The following WBP2 variants were observed in gnomAD, a reference collection of about 807,000 sequenced individuals.
WBP2 encodes WW domain-binding protein 2.
WBP2 carries 23 observed loss-of-function variants against 33.0 expected under a neutral mutation model. The ratio of observed to expected loss-of-function variants is 0.70; its 90% CI spans 0.50 to 0.99. The LOEUF is 0.99. WBP2 is among the 50% of genes least tolerant of loss of function. The pLI, the probability that WBP2 is intolerant of heterozygous loss-of-function variation, is 0.00. For synonymous variants in WBP2, 153 were observed against 133.5 expected (o/e 1.15, Z -1.01); for missense variants, 353 against 358.0 (o/e 0.99, Z 0.11).
rs2065051739 is a variant in WBP2 at position 75,855,285 on chromosome 17, T to C, written c.13A>G (p.Lys5Glu). The C allele has an allele frequency of 2.5e-6, 4 of 1,612,880 alleles. No individual in the cohort carries two copies. The highest frequency in any genetic ancestry group is 3.4e-6 in the Non-Finnish European group (4 of 1,179,944). The stretch of plus-strand genomic sequence containing the variant: ...ACTCCGCCGCCCTCCGAGTGATTCT[T>C]GTTGAGCGCCATAGTCTCTCCAACA... MALN[K>E]NHSEGGGVIV... The change falls in exon 1 of 8, where the codon AAG becomes GAG. Residue 5 changes from lysine to glutamate, a missense_variant. Lys to Glu is a moderately conservative substitution (Grantham distance 56). Transcript: ENST00000254806.
chr17:75,855,129 T>C (rs1361343151), intron 1 of WBP2, 110 bp downstream of exon 1: 9 of 399,742 alleles, frequency 2.3e-5, no homozygotes, highest in Non-Finnish European at 3.5e-5. Flanking sequence ...CCAACCTCAC[T>C]CCATCAGTGC....
chr17:75,851,458 G>A lies in WBP2; in HGVS notation c.168+110C>T. 6.5e-6 allele frequency: 5 copies of A among 770,994 alleles called. No homozygotes were observed. In the South Asian group the frequency reaches 7.1e-5, roughly 11 times the overall value. 47.8% of individuals were successfully genotyped at this position (770,994 alleles called of 1,614,324 possible). A position where few individuals can be genotyped will look rare whatever the true frequency, so the allele number is the denominator to read the frequency against. ...CAGAGTGAAGCACTAACACTCACCA[G>A]GATTCAGAGGCCACCTGACTCATGA... is the stretch of plus-strand genomic sequence containing the variant. On this transcript the variant is annotated intron_variant, in intron 2 of 7. Transcript: ENST00000254806.
In WBP2 at chr17:75,855,287, T is replaced by C. The variant is rs1215873812; in HGVS notation, c.11A>G (p.Asn4Ser). The change falls in exon 1 of 8, where the codon AAC becomes AGC. Residue 4 changes from asparagine to serine, a missense_variant. Coordinates refer to ENST00000254806, the MANE Select transcript of WBP2 (RefSeq NM_012478.4). ...TCCGCCGCCCTCCGAGTGATTCTTG[T>C]TGAGCGCCATAGTCTCTCCAACAGG... is the stretch of plus-strand genomic sequence containing the variant. MAL[N>S]KNHSEGGGVI... 6.2e-7 allele frequency: 1 copy of C among 1,612,734 alleles called. No homozygotes were observed.
At position 75,846,529 on chromosome 17, in the gene WBP2, G is replaced by C; in HGVS notation, c.*205C>G. 1.5e-6 allele frequency: 1 copy of C among 658,082 alleles called. No homozygotes were observed. The allele number at this position is 658,082 out of a possible 1,614,324, so 40.8% of individuals were successfully genotyped here. A position where few individuals can be genotyped will look rare whatever the true frequency, so the allele number is the denominator to read the frequency against. ...GGGAGGTACGCTGGGCAGCACTGTG[G>C]GCTCCGGGCTGGCATGGGAAGCTGG... On this transcript the variant is annotated 3_prime_UTR_variant, in exon 8 of 8. Coordinates refer to ENST00000254806, the MANE Select transcript of WBP2 (RefSeq NM_012478.4). This position sits in a 1 kb window ranked among gnomAD's most constrained non-coding sequence, Gnocchi z 4.8.
chr17:75,848,309 A>G, intron 4 of WBP2: 2 of 590,972 alleles, frequency 3.4e-6, no homozygotes, highest in Non-Finnish European at 6.0e-6. Context: ...TTATGAGGCC[A>G]TAGTAAAGTG....
At position 75,848,614 on chromosome 17, in the gene WBP2, C is replaced by G; in HGVS notation, c.353G>C (p.Gly118Ala). ...ASYKLTFTAG[G>A]AIEFGQRMLQ... ...CATCCGCTGTCCGAACTCAATGGCG[C>G]CCCCTGCCGTGAAAGTCAACTTGTA... Residue 118 changes from glycine (G) to alanine (A), a missense_variant, in exon 4 of 8, where the codon GGC (glycine) becomes GCC (alanine). Transcript: ENST00000254806. 6.2e-7 allele frequency: 1 copy of G among 1,614,032 alleles called. No individual in the cohort carries two copies. The highest frequency in any genetic ancestry group is 8.5e-7 in the Non-Finnish European group (1 of 1,179,942).
chr17:75,854,222 G>C (rs1202874916), intron 1 of WBP2, among the ~76,000 whole-genome samples: 1 of 152,010 alleles, frequency 6.6e-6, no homozygotes, highest in Admixed American at 6.6e-5. Context: ...CAAGTCACAG[G>C]GCAGCTGGAT....
chr17:75,847,891 G>C lies in WBP2; in HGVS notation c.437C>G (p.Ser146Cys). ...GEVPSGAYGY[S>C]YMPSGAYVYP... ...GACATAGGCCCCGCTGGGCATGTAAGAGTAGCCATAGGCTCCACTGGGGAC... is the reference window on the plus strand; with the variant it reads ...GACATAGGCCCCGCTGGGCATGTAACAGTAGCCATAGGCTCCACTGGGGAC... Residue 146 changes from serine (S) to cysteine (C), a missense_variant, in exon 5 of 8, where the codon TCT (serine) becomes TGT (cysteine). By Grantham distance (112) the Ser-to-Cys change is moderately radical. Transcript: ENST00000254806. 1 of 1,559,562 alleles carries C rather than the reference G, an allele frequency of 6.4e-7. No homozygotes were observed. The highest frequency in any genetic ancestry group is 1.2e-5 in the South Asian group (1 of 84,842).
At chr17:75,850,773 C>A (rs1260814813) in intron 2 of WBP2, among the ~76,000 whole-genome samples, 1 of 152,144 alleles carries the variant, frequency 6.6e-6, no homozygotes, top group Non-Finnish European at 1.5e-5. Context: ...CAGCTCACTG[C>A]AGCCTCAACC....
upstream of WBP2, chr17:75,855,547 T>C (rs902721551): frequency 1.6e-5 from 9 of 551,178 alleles, no homozygotes; most frequent in African/African-American, 1.1e-4. Flanking sequence ...CCTGTCCCTA[T>C]GCTGGAGGAA....
At chr17:75,854,078 A>ACT (rs1567828434) in intron 1 of WBP2, among the ~76,000 whole-genome samples, 1 of 148,348 alleles carries the variant, frequency 6.7e-6, no homozygotes, top group African/African-American at 2.5e-5. Flanking sequence ...AAAAGAGAAG[A>ACT]GAAGTACTGC....
rs908770719 is a variant in WBP2, at chr17:75,851,316, T to C, written c.168+252A>G. On this transcript the variant is annotated intron_variant, in intron 2 of 7. Transcript: ENST00000254806. ...ATGCCAGCGGCTGCATCCAACTCTA[T>C]AGAGATTTTGCAGCAGCGGCTCTGG... 7.1e-5 allele frequency: 28 copies of C among 392,406 alleles called. No homozygotes were observed. In the East Asian group the frequency reaches 1.3e-3, roughly 18 times the overall value. 24.3% of individuals were successfully genotyped at this position (392,406 alleles called of 1,614,324 possible). A position where few individuals can be genotyped will look rare whatever the true frequency, so the allele number is the denominator to read the frequency against.
Position 75,851,605 on chromosome 17 carries a change from C to T in WBP2, c.131G>A (p.Gly44Glu), listed in dbSNP as rs1159448446. Residue 44 changes from glycine (G) to glutamate (E), a missense_variant, in exon 2 of 8, where the codon GGG (glycine) becomes GAG (glutamate). Gly to Glu is a moderately conservative substitution (Grantham distance 98). Coordinates refer to ENST00000254806, the MANE Select transcript of WBP2 (RefSeq NM_012478.4). ...AAGGTAGACAGTGCCTTTCTTGGTCCCTTTGAAGGCTTCTGGCACGTTCTT... is the reference window on the plus strand; with the variant it reads ...AAGGTAGACAGTGCCTTTCTTGGTCTCTTTGAAGGCTTCTGGCACGTTCTT... ...DMKNVPEAFK[G>E]TKKGTVYLTP... The T allele has an allele frequency of 6.2e-7, 1 of 1,613,646 alleles. No individual in the cohort carries two copies. The highest frequency in any genetic ancestry group is 8.5e-7 in the Non-Finnish European group (1 of 1,179,782).
intron 2 of WBP2, 64 bp downstream of exon 2, chr17:75,851,504 T>A: frequency 7.6e-7 from 1 of 1,317,472 alleles, no homozygotes; most frequent in Non-Finnish European, 1.1e-6. Context: ...GACCTGAGAC[T>A]AAGACTCACG....
chr17:75,851,595 T>C lies in WBP2; in HGVS notation c.141A>G (p.Lys47=). 1 of 1,613,760 alleles carries C rather than the reference T, an allele frequency of 6.2e-7. No individual in the cohort carries two copies. Among genetic ancestry groups the C allele is most frequent in the Non-Finnish European group, 8.5e-7 (1 of 1,179,716 alleles). ...NVPEAFKGTK[K]GTVYLTPYRV... is the part of the protein sequence containing the mutation. ...GGTAAGGGGTAAGGTAGACAGTGCC[T>C]TTCTTGGTCCCTTTGAAGGCTTCTG... The change falls in exon 2 of 8, where the codon AAA becomes AAG. Residue 47 remains lysine (K), a synonymous_variant. Transcript: ENST00000254806.
upstream of WBP2, chr17:75,856,139 C>T (rs956794202): frequency 2.0e-5 from 3 of 152,280 alleles, no homozygotes; most frequent in African/African-American, 7.2e-5. Context: ...CGGCGCGAAA[C>T]CGGCATCCTG....
chr17:75,846,769 G>C lies in WBP2; in HGVS notation c.751C>G (p.Pro251Ala). 1.3e-6 allele frequency: 2 copies of C among 1,549,184 alleles called. No homozygotes were observed. Among genetic ancestry groups the C allele is most frequent in the Middle Eastern group, 1.7e-4 (1 of 5,850 alleles). The part of the protein sequence containing the change: ...YMPTSQPPPP[P>A]YYPPEDKKTQ ...TTCTTATCTTCCGGTGGGTAGTAGG[G>C]AGGTGGCGGCGGCTGGCTCTAAAGA... Residue 251 changes from proline (P) to alanine (A), a missense_variant, in exon 8 of 8, where the codon CCC (proline) becomes GCC (alanine). By Grantham distance (27) the Pro-to-Ala change is conservative. Transcript: ENST00000254806. The surrounding 1 kb of genome is among the most constrained non-coding windows in gnomAD (Gnocchi z 4.8).
intron 1 of WBP2, among the ~76,000 whole-genome samples, chr17:75,854,043 TAAAAAA>T (rs55857053): frequency 1.3e-4 from 7 of 55,476 alleles, no homozygotes; most frequent in African/African-American, 1.9e-4. Context: ...AGCCTCCATC[TAAAAAA>T]AAAAAAAAAA....
chr17:75,852,427 A>G (rs1177975183), intron 1 of WBP2: 1 of 151,934 alleles, frequency 6.6e-6, no homozygotes, highest in Non-Finnish European at 1.5e-5. Context: ...CAAGTTAGAT[A>G]ATCTGGCTTA....
Sources: gnomAD v4.1 joint callset for allele counts (sites outside exome capture counted in the v4.1 genomes callset) on GRCh38, gnomAD v4.1.1 for gene constraint, Gnocchi (gnomAD v3.1) non-coding constraint, MANE v1.5 for transcripts, NCBI Gene and HGNC (gene_info 2026-07-23, HGNC 2026-07-21) for gene names.